Variants in ERC2 observed in about 807,000 individuals in gnomAD.
ERC2 encodes the protein ERC protein 2.
In ERC2, 42 loss-of-function variants were observed where a neutral mutation model predicts 114.8. The observed-to-expected ratio is 0.37, with a 90% CI of 0.29 to 0.47. ERC2 has a LOEUF of 0.47. ERC2 is among the 20% of genes least tolerant of loss of function. The probability of loss-of-function intolerance (pLI) is 0.99; values close to 1 mark genes in which losing one functional copy is unlikely to be tolerated. For synonymous variants in ERC2, 454 were observed against 425.5 expected (o/e 1.07, Z -0.82); for missense variants, 939 against 1,150.7 (o/e 0.82, Z 2.66).
At chr3:55,603,189 G>A (rs952250172) in intron 17 of ERC2, among the ~76,000 whole-genome samples, 1 of 152,102 alleles carries the variant, frequency 6.6e-6, no homozygotes, top group South Asian at 2.1e-4. Context: ...GCTTCCTAAT[G>A]AGCAAATAAT....
At chr3:55,569,198 A>T (rs989169073) in intron 17 of ERC2, among the ~76,000 whole-genome samples, 3 of 152,226 alleles carry the variant, frequency 2.0e-5, no homozygotes, top group African/African-American at 7.2e-5. Flanking sequence ...ATGCTTATCT[A>T]TAAGAAGCCT....
intron 3 of ERC2, among the ~76,000 whole-genome samples, chr3:56,270,651 G>A (rs530622496): frequency 2.6e-5 from 4 of 152,286 alleles, no homozygotes. Flanking sequence ...CAAAGACTCT[G>A]TGGAAGATCT....
At chr3:55,577,690 T>C (rs1262728370) in intron 17 of ERC2, among the ~76,000 whole-genome samples, 1 of 152,122 alleles carries the variant, frequency 6.6e-6, no homozygotes, top group Non-Finnish European at 1.5e-5. Flanking sequence ...TGCACCATAC[T>C]CTAGGCCTTG....
At chr3:56,270,254 C>T (rs1019199065) in intron 3 of ERC2, among the ~76,000 whole-genome samples, 1 of 151,990 alleles carries the variant, frequency 6.6e-6, no homozygotes, top group African/African-American at 2.4e-5. Flanking sequence ...GAACAACTGC[C>T]AGGCCTACAG....
chr3:56,070,451 T>TTTTTAAAATTTTAAA (rs2076679494), intron 7 of ERC2, among the ~76,000 whole-genome samples: 3 of 103,318 alleles, frequency 2.9e-5, no homozygotes, highest in African/African-American at 1.0e-4. Flanking sequence ...TGCAAGTAAT[T>TTTTTAAAATTTTAAA]ATAAACAAAC....
intron 12 of ERC2, among the ~76,000 whole-genome samples, chr3:55,972,975 G>C (rs760612081): frequency 6.6e-6 from 1 of 152,194 alleles, no homozygotes; most frequent in Non-Finnish European, 1.5e-5. Flanking sequence ...GAATGAGGGG[G>C]TAGAGTGACA....
chr3:56,316,474 G>T (rs1270742093), intron 2 of ERC2, among the ~76,000 whole-genome samples: 1 of 152,106 alleles, frequency 6.6e-6, no homozygotes, highest in African/African-American at 2.4e-5. Flanking sequence ...CCTGAGTCCT[G>T]AATTCAAGCA....
rs1349417233 is a variant in ERC2, at chr3:56,065,753, T to C, written c.1641+15064A>G. Among the ~76,000 whole-genome samples the C allele has an allele frequency of 1.3e-5, 2 of 152,100 alleles. 1 individual carries two copies. The highest frequency in any genetic ancestry group is 4.1e-4 in the South Asian group (2 of 4,828). On this transcript the variant is annotated intron_variant, in intron 7 of 17. Transcript: ENST00000288221. ...TGTGTTGTTCCTCTCCCTGTGTCCATGTATTCCCATTGTTAGCTCCCACTT... is the reference window on the plus strand; with the variant it reads ...TGTGTTGTTCCTCTCCCTGTGTCCACGTATTCCCATTGTTAGCTCCCACTT...
chr3:56,279,457 G>C (rs1020885489), intron 3 of ERC2, among the ~76,000 whole-genome samples: 1 of 152,224 alleles, frequency 6.6e-6, no homozygotes, highest in African/African-American at 2.4e-5. Flanking sequence ...GACAAGTAAG[G>C]GTTAGTCAAG....
intron 3 of ERC2, among the ~76,000 whole-genome samples, chr3:56,221,671 G>A (rs567858864): frequency 5.8e-4 from 89 of 152,282 alleles, no homozygotes; most frequent in African/African-American, 2.1e-3. Flanking sequence ...TTGGGAGGCC[G>A]AGGCGGGTGG....
chr3:55,589,405 G>A (rs945488885), intron 17 of ERC2, among the ~76,000 whole-genome samples: 8 of 152,074 alleles, frequency 5.3e-5, no homozygotes, highest in Non-Finnish European at 1.0e-4. Flanking sequence ...GACACGTGAC[G>A]GTCATTTGGC....
chr3:55,994,647 T>TAAAAAAAA (rs10662566), intron 10 of ERC2, among the ~76,000 whole-genome samples: 2 of 61,414 alleles, frequency 3.3e-5, no homozygotes, highest in South Asian at 9.6e-4. Flanking sequence ...ACATACTCCC[T>TAAAAAAAA]AAAAAAAAAA....
chr3:55,915,602 T>A (rs2065048226), intron 13 of ERC2, among the ~76,000 whole-genome samples: 1 of 152,188 alleles, frequency 6.6e-6, no homozygotes, highest in Admixed American at 6.5e-5. Flanking sequence ...GGATGTACAA[T>A]AACATCCCAT....
chr3:56,150,467 C>A (rs946944460), intron 4 of ERC2, among the ~76,000 whole-genome samples: 1 of 152,010 alleles, frequency 6.6e-6, no homozygotes, highest in African/African-American at 2.4e-5. Context: ...ACTGAGTGCT[C>A]TAAGTTCTGT....
chr3:56,228,287 C>T (rs750359027), intron 3 of ERC2, among the ~76,000 whole-genome samples: 1 of 152,156 alleles, frequency 6.6e-6, no homozygotes, highest in Non-Finnish European at 1.5e-5. Context: ...GTTGTGCAAC[C>T]GTCACCACCA....
intron 13 of ERC2, among the ~76,000 whole-genome samples, chr3:55,928,198 T>C (rs958386084): frequency 2.6e-5 from 4 of 152,206 alleles, no homozygotes; most frequent in African/African-American, 9.6e-5. Flanking sequence ...TTCTCCATAG[T>C]GGTTGTACAT....
chr3:55,510,345 GA>G lies in ERC2; in HGVS notation c.*970del, dbSNP rs2051995660. ...ACTGTTTGCACAGCATTTGGATCTT[GA>G]AATGTGAATGAGTCCCAGCTTCTTC... On this transcript the variant is annotated 3_prime_UTR_variant, in exon 18 of 18. Transcript: ENST00000288221. The G allele has an allele frequency of 6.6e-6, 1 of 152,164 alleles. No homozygotes were observed. The highest frequency in any genetic ancestry group is 1.5e-5 in the Non-Finnish European group (1 of 68,014). 9.4% of individuals were successfully genotyped at this position (152,164 alleles called of 1,614,324 possible).
intron 12 of ERC2, among the ~76,000 whole-genome samples, chr3:55,961,365 G>C (rs927189706): frequency 6.6e-6 from 1 of 151,856 alleles, no homozygotes; most frequent in Non-Finnish European, 1.5e-5. Flanking sequence ...TTTCACCCCA[G>C]TATAAGCATG....
intron 17 of ERC2, chr3:55,657,135 C>T (rs1401389122): frequency 6.6e-6 from 1 of 152,186 alleles, no homozygotes; most frequent in Non-Finnish European, 1.5e-5. Context: ...CCAAGATCCT[C>T]CTCTTTCACT....
Sources: allele counts gnomAD v4.1 joint callset (sites outside exome capture counted in the v4.1 genomes callset), GRCh38; gene constraint gnomAD v4.1.1; transcripts MANE v1.5; gene names NCBI Gene and HGNC (gene_info 2026-07-23, HGNC 2026-07-21).